Variants in ELAVL4 observed in about 807,000 individuals in gnomAD.
The protein encoded by ELAVL4 is ELAV like RNA binding protein 4, also known as ELAV-like protein 4.
In ELAVL4, 1 loss-of-function variant was observed where a neutral mutation model predicts 35.6. The ratio of observed to expected loss-of-function variants is 0.03; its 90% CI spans 0.01 to 0.13. ELAVL4 has a LOEUF of 0.13. Among genes scored for constraint, ELAVL4 ranks in the 10% least tolerant of loss-of-function variants. The pLI is 1.00. For synonymous variants in ELAVL4, 156 were observed against 171.0 expected, an observed-to-expected ratio of 0.91 and a Z score of 0.69; for missense variants, 267 against 464.9, an observed-to-expected ratio of 0.57 and a Z score of 3.91.
intron 3 of ELAVL4, among the ~76,000 whole-genome samples, chr1:50,189,642 A>C (rs1014614840): frequency 6.6e-6 from 1 of 152,004 alleles, no homozygotes; most frequent in Non-Finnish European, 1.5e-5. Context: ...TTTTCCGGTG[A>C]AATTGGAGGG....
chr1:50,093,037 A>G (rs938928945), intron 1 of ELAVL4, among the ~76,000 whole-genome samples: 2 of 152,218 alleles, frequency 1.3e-5, no homozygotes, highest in African/African-American at 2.4e-5. Context: ...TGAATCCCCA[A>G]TGTCTGGCAC....
At chr1:50,133,311 G>A (rs1430639725) in intron 1 of ELAVL4, among the ~76,000 whole-genome samples, 1 of 152,100 alleles carries the variant, frequency 6.6e-6, no homozygotes, top group Non-Finnish European at 1.5e-5. Context: ...CTTGACAGTT[G>A]CAAACCTTAA....
chr1:50,197,302 C>A, intron 5 of ELAVL4, 127 bp from the exon 6 acceptor site: 2 of 865,808 alleles, frequency 2.3e-6, no homozygotes, highest in South Asian at 2.3e-5. Context: ...GGTGGATAGA[C>A]TCCTAAGCAG....
At chr1:50,174,546 C>G (rs564190901) in intron 2 of ELAVL4, 2 of 149,892 alleles carry the variant, frequency 1.3e-5, no homozygotes, top group East Asian at 4.0e-4. Flanking sequence ...AATGCAGTCT[C>G]TCTCTAAAGT....
intron 2 of ELAVL4, among the ~76,000 whole-genome samples, chr1:50,163,523 T>TA (rs1304387933): frequency 6.6e-6 from 1 of 152,132 alleles, no homozygotes; most frequent in African/African-American, 2.4e-5. Flanking sequence ...TTGGAGTTGG[T>TA]ACTAGAAAAC....
At chr1:50,069,613 G>A (rs547143530) in intron 1 of ELAVL4, among the ~76,000 whole-genome samples, 172 of 152,256 alleles carry the variant, frequency 1.1e-3, no homozygotes, top group African/African-American at 3.9e-3. Context: ...TTGTTTTCCG[G>A]TGTTCCTCTT....
intron 1 of ELAVL4, among the ~76,000 whole-genome samples, chr1:50,119,056 G>GAAAGAAAGA (rs1668541547): frequency 7.6e-6 from 1 of 130,894 alleles, no homozygotes; most frequent in Admixed American, 7.6e-5. Flanking sequence ...AAGAAAGAAA[G>GAAAGAAAGA]AAAGAAAGAA....
chr1:50,116,245 C>A (rs1045933052), intron 1 of ELAVL4, among the ~76,000 whole-genome samples: 4 of 152,100 alleles, frequency 2.6e-5, no homozygotes, highest in African/African-American at 9.7e-5. Flanking sequence ...TGCCTCCTTG[C>A]TTCTGATGTA....
At chr1:50,115,776 A>C (rs1667845208) in intron 1 of ELAVL4, among the ~76,000 whole-genome samples, 1 of 152,158 alleles carries the variant, frequency 6.6e-6, no homozygotes, top group African/African-American at 2.4e-5. Context: ...ACTGACTGTC[A>C]TTCCTTGTTG....
intron 6 of ELAVL4, among the ~76,000 whole-genome samples, chr1:50,200,400 T>C (rs1464221409): frequency 2.0e-5 from 3 of 152,152 alleles, no homozygotes; most frequent in African/African-American, 7.2e-5. Flanking sequence ...TATGTGTCAC[T>C]ATATCTGTGA....
chr1:50,117,918 G>A (rs1668236675), intron 1 of ELAVL4, among the ~76,000 whole-genome samples: 2 of 152,022 alleles, frequency 1.3e-5, no homozygotes, highest in Admixed American at 1.3e-4. Flanking sequence ...GCTTTATTAA[G>A]TTTTCTGCAT....
chr1:50,062,347 T>C (rs1664032304), intron 1 of ELAVL4, among the ~76,000 whole-genome samples: 5 of 152,242 alleles, frequency 3.3e-5, no homozygotes, highest in Admixed American at 2.6e-4. Flanking sequence ...TACCTCTGAA[T>C]GGACTACTCT....
intron 2 of ELAVL4, among the ~76,000 whole-genome samples, chr1:50,167,278 G>A (rs1460979715): frequency 6.6e-6 from 1 of 152,198 alleles, no homozygotes; most frequent in Non-Finnish European, 1.5e-5. Flanking sequence ...GGAATTCCAT[G>A]AGCAAGAGCC....
Position 50,201,169 on chromosome 1 carries a change from C to T in ELAVL4, c.1092C>T (p.His364=), listed in dbSNP as rs1019560774. The change falls in exon 7 of 7, where the codon CAC becomes CAT. Residue 364 remains histidine, a synonymous_variant. Coordinates refer to ENST00000371824, the MANE Select transcript of ELAVL4 (RefSeq NM_001144774.3). This position sits in a 1 kb window ranked among gnomAD's most constrained non-coding sequence, Gnocchi z 4.3. ...LQVSFKTNKA[H]KS is the part of the protein sequence containing the mutation. The stretch of plus-strand genomic sequence containing the variant: ...TTTCCTTTAAAACCAACAAAGCCCA[C>T]AAGTCCTGAATTTCCCATTCTTACT... 1 of 1,582,206 alleles carries T rather than the reference C, an allele frequency of 6.3e-7. No homozygotes were observed. Among genetic ancestry groups the T allele is most frequent in the South Asian group, 1.2e-5 (1 of 85,226 alleles).
intron 6 of ELAVL4, among the ~76,000 whole-genome samples, chr1:50,200,243 G>T (rs534346751): frequency 6.6e-6 from 1 of 152,014 alleles, no homozygotes; most frequent in African/African-American, 2.4e-5. Flanking sequence ...TTTGACAACC[G>T]TAGGTCAAGG....
intron 1 of ELAVL4, among the ~76,000 whole-genome samples, chr1:50,069,002 A>C (rs769504249): frequency 1.2e-4 from 18 of 152,214 alleles, no homozygotes; most frequent in Non-Finnish European, 2.5e-4. Context: ...AGAGAGAATA[A>C]GTATTTTACC....
chr1:50,110,766 G>C (rs933201782), intron 1 of ELAVL4, among the ~76,000 whole-genome samples: 3 of 152,102 alleles, frequency 2.0e-5, no homozygotes, highest in Non-Finnish European at 2.9e-5. Flanking sequence ...CAAAGCTGTG[G>C]TCTTTTTCCC....
chr1:50,058,561 A>G (rs1663797611), intron 1 of ELAVL4, among the ~76,000 whole-genome samples: 1 of 148,078 alleles, frequency 6.8e-6, no homozygotes, highest in Non-Finnish European at 1.5e-5. Flanking sequence ...TAGCCTAAAG[A>G]AAAAAAAAAA....
intron 1 of ELAVL4, among the ~76,000 whole-genome samples, chr1:50,054,207 G>A (rs1307668198): frequency 6.6e-6 from 1 of 152,180 alleles, no homozygotes; most frequent in Non-Finnish European, 1.5e-5. Context: ...TGTTTCTTTG[G>A]CAAATGAATT....
Sources: allele counts gnomAD v4.1 joint callset (sites outside exome capture counted in the v4.1 genomes callset), GRCh38; gene constraint gnomAD v4.1.1; non-coding constraint Gnocchi (gnomAD v3.1); transcripts MANE v1.5; gene names NCBI Gene and HGNC (gene_info 2026-07-23, HGNC 2026-07-21).